Variants in BIRC6 observed in about 807,000 individuals in gnomAD.
The protein encoded by BIRC6 is baculoviral IAP repeat containing 6.
Under a neutral mutation model 503.3 loss-of-function variants are expected in BIRC6, and 98 were observed. That is an observed-to-expected ratio of 0.19 (90% CI 0.17 to 0.23). The LOEUF (loss-of-function observed/expected upper bound fraction) is 0.23. Ranked by LOEUF, BIRC6 falls within the 10% of genes least tolerant of loss-of-function variation. BIRC6 has a pLI of 1.00. For missense variants in BIRC6, 5,360 were observed against 5,806.0 expected (o/e 0.92, Z 2.50); for synonymous variants, 2,240 against 2,078.7 (o/e 1.08, Z -2.11).
At chr2:32,391,542 A>G (rs923832549) in intron 4 of BIRC6, among the ~76,000 whole-genome samples, 1 of 152,228 alleles carries the variant, frequency 6.6e-6, no homozygotes, top group African/African-American at 2.4e-5. Context: ...ATAGAAAATC[A>G]TGTGCTAATT....
At chr2:32,556,125 G>A (rs764085769) in intron 65 of BIRC6, among the ~76,000 whole-genome samples, 10 of 152,056 alleles carry the variant, frequency 6.6e-5, no homozygotes, top group Non-Finnish European at 1.2e-4. Context: ...TATCTATAAC[G>A]TAAGTGCTTA....
At chr2:32,539,136 A>G (rs765099708) in intron 61 of BIRC6, among the ~76,000 whole-genome samples, 6 of 152,194 alleles carry the variant, frequency 3.9e-5, no homozygotes, top group Non-Finnish European at 5.9e-5. Context: ...TTAAATCACT[A>G]TGAAAGTATT....
intron 66 of BIRC6, among the ~76,000 whole-genome samples, chr2:32,580,607 G>A (rs188368475): frequency 6.6e-6 from 1 of 152,288 alleles, no homozygotes; most frequent in African/African-American, 2.4e-5. Context: ...CCACTGAAAG[G>A]TTTTCAGCAG....
Position 32,586,362 on chromosome 2 carries a change from A to G in BIRC6, c.13356-7553A>G, listed in dbSNP as rs866411561. On this transcript the variant is annotated intron_variant, in intron 66 of 73. Coordinates refer to ENST00000421745, the MANE Select transcript of BIRC6 (RefSeq NM_016252.4). ...TTTATTCTTTATCAAATGGCATTAT[A>G]TGAGCTTTATGTTTCACGACAGTTT... 3.4e-5 allele frequency among the ~76,000 whole-genome samples: 5 copies of G among 148,606 alleles called. No homozygotes were observed. The East Asian group carries it at 6.0e-4, about 18-fold the overall frequency.
chr2:32,436,571 G>T (rs561252941), intron 15 of BIRC6, among the ~76,000 whole-genome samples: 1 of 151,904 alleles, frequency 6.6e-6, no homozygotes, highest in Non-Finnish European at 1.5e-5. Flanking sequence ...CTTAAAAGAG[G>T]TATTTTGTTT....
chr2:32,609,137 G>A (rs1214345460), intron 72 of BIRC6, among the ~76,000 whole-genome samples: 4 of 152,148 alleles, frequency 2.6e-5, no homozygotes, highest in Admixed American at 2.6e-4. Flanking sequence ...GCCCGCCTCG[G>A]CCTTCCAGAC....
In BIRC6 at chr2:32,468,688, CAGA is replaced by C; in HGVS notation, c.6036_6038del (p.Glu2012del). ...AAGATGTTGAGTGAAACATCAAATC[CAGA>C]AGATTTAATTCAGACATCTTCCACA... On this transcript the variant is annotated inframe_deletion, in exon 29 of 74. Transcript: ENST00000421745. 6.2e-7 allele frequency: 1 copy of C among 1,613,968 alleles called. No individual in the cohort carries two copies. Among genetic ancestry groups the C allele is most frequent in the South Asian group, 1.1e-5 (1 of 91,076 alleles).
At chr2:32,455,868 A>G (rs975878531) in intron 23 of BIRC6, among the ~76,000 whole-genome samples, 18 of 152,200 alleles carry the variant, frequency 1.2e-4, no homozygotes, top group African/African-American at 3.6e-4. Flanking sequence ...GAAACTGCCT[A>G]AAGAGAGATT....
chr2:32,524,043 TAAA>T (rs72216981), intron 57 of BIRC6, among the ~76,000 whole-genome samples: 6 of 143,688 alleles, frequency 4.2e-5, no homozygotes, highest in African/African-American at 5.1e-5. Flanking sequence ...GACCTTATCT[TAAA>T]AAAAAAAAAA....
intron 31 of BIRC6, 89 bp downstream of exon 31, chr2:32,470,390 A>G: frequency 8.1e-7 from 1 of 1,236,726 alleles, no homozygotes; most frequent in Non-Finnish European, 1.1e-6. Context: ...TACTTTAATA[A>G]TTATTTGCAG....
chr2:32,599,742 C>A lies in BIRC6; in HGVS notation c.13834C>A (p.Leu4612Ile). The A allele has an allele frequency of 6.2e-7, 1 of 1,612,828 alleles. No individual in the cohort carries two copies. Among genetic ancestry groups the A allele is most frequent in the African/African-American group, 1.3e-5 (1 of 74,970 alleles). The change falls in exon 70 of 74, where the codon CTA (leucine) becomes ATA (isoleucine). Residue 4612 changes from leucine (L) to isoleucine (I), a missense_variant. Physicochemically the swap from Leu to Ile is conservative, Grantham distance 5. Around this residue, in one of 16 missense-constraint regions of BIRC6, gnomAD observed 66 missense variants for 113.2 expected, o/e 0.58. Coordinates refer to ENST00000421745, the MANE Select transcript of BIRC6 (RefSeq NM_016252.4). ...TTGTATGTTTATATATATCCAGGTT[C>A]TAATAACTGGTCCAGCGGACACCCC... Reference protein sequence around the residue: ...DEERLDIMKVLITGPADTPYA... With the variant: ...DEERLDIMKVIITGPADTPYA...
In BIRC6 at chr2:32,617,994, T is replaced by C; in HGVS notation, c.*90T>C. 2 of 1,270,092 alleles carry C rather than the reference T, an allele frequency of 1.6e-6. No homozygotes were observed. Among genetic ancestry groups the C allele is most frequent in the Non-Finnish European group, 2.2e-6 (2 of 926,856 alleles). The allele number at this position is 1,270,092 out of a possible 1,614,324, so 78.7% of individuals were successfully genotyped here. The stretch of plus-strand genomic sequence containing the variant: ...TGTATGTAAGAAACTAATTATGTAA[T>C]AGGTAATGAAACTGAAACTATACTA... On this transcript the variant is annotated 3_prime_UTR_variant, in exon 74 of 74. Coordinates refer to ENST00000421745, the MANE Select transcript of BIRC6 (RefSeq NM_016252.4).
intron 10 of BIRC6, among the ~76,000 whole-genome samples, chr2:32,416,805 C>T (rs2042423697): frequency 7.6e-6 from 1 of 131,086 alleles, no homozygotes; most frequent in Admixed American, 8.3e-5. Context: ...TTTCCCCCCT[C>T]CCCTTTCTTT....
chr2:32,376,054 C>A (rs748506853), intron 1 of BIRC6, among the ~76,000 whole-genome samples: 5 of 151,946 alleles, frequency 3.3e-5, no homozygotes, highest in Non-Finnish European at 5.9e-5. Context: ...GGTGAGGTGG[C>A]AGGCATCTGT....
At chr2:32,574,703 T>C (rs971814016) in intron 65 of BIRC6, 1 of 172,614 alleles carries the variant, frequency 5.8e-6, no homozygotes, top group African/African-American at 2.4e-5. Flanking sequence ...GCAGAAAATC[T>C]GTATATAAGT....
chr2:32,417,901 T>G (rs1467034254), intron 10 of BIRC6, among the ~76,000 whole-genome samples: 1 of 152,220 alleles, frequency 6.6e-6, no homozygotes, highest in Non-Finnish European at 1.5e-5. Context: ...GGCCTTAGCC[T>G]CCTGAGTAGC....
chr2:32,454,085 GA>G (rs2046986379), intron 23 of BIRC6, 143 bp downstream of exon 23: 2 of 696,576 alleles, frequency 2.9e-6, no homozygotes, highest in South Asian at 5.6e-5. Context: ...GCATTTGGGG[GA>G]AATATAAATC....
intron 10 of BIRC6, among the ~76,000 whole-genome samples, chr2:32,422,413 G>T (rs558025011): frequency 1.3e-5 from 2 of 151,650 alleles, no homozygotes; most frequent in East Asian, 3.9e-4. Flanking sequence ...TCCCTCTGTT[G>T]ATTTTTTTTT....
At chr2:32,366,891 A>G (rs1573663967) in intron 1 of BIRC6, among the ~76,000 whole-genome samples, 1 of 151,900 alleles carries the variant, frequency 6.6e-6, no homozygotes, top group Admixed American at 6.6e-5. Flanking sequence ...CTGAAGCAGG[A>G]GTATCACTTG....
Sources: gnomAD v4.1 joint callset for allele counts (sites outside exome capture counted in the v4.1 genomes callset) on GRCh38, gnomAD v4.1.1 for gene constraint, gnomAD v4.1.1 regional missense constraint, MANE v1.5 for transcripts, NCBI Gene and HGNC (gene_info 2026-07-23, HGNC 2026-07-21) for gene names.